Variants in XPO7 observed in about 807,000 individuals in gnomAD.
XPO7 encodes the protein exportin-7.
In XPO7, 21 loss-of-function variants were observed where a neutral mutation model predicts 144.3. That is an observed-to-expected ratio of 0.15 (90% CI 0.10 to 0.21). XPO7 has a LOEUF of 0.21. XPO7 is among the 10% of genes least tolerant of loss of function. The probability of loss-of-function intolerance (pLI) is 1.00; values close to 1 mark genes in which losing one functional copy is unlikely to be tolerated. For synonymous variants in XPO7, 580 were observed against 499.6 expected (o/e 1.16, Z -2.15); for missense variants, 808 against 1,325.8 (o/e 0.61, Z 6.06).
intron 21 of XPO7, among the ~76,000 whole-genome samples, chr8:21,997,861 G>A (rs1028433454): frequency 6.6e-6 from 1 of 152,010 alleles, no homozygotes; most frequent in African/African-American, 2.4e-5. Context: ...GAGGAAGGAG[G>A]AAGGACTCCT....
intron 1 of XPO7, among the ~76,000 whole-genome samples, chr8:21,947,583 T>G (rs1328447715): frequency 6.6e-6 from 1 of 152,108 alleles, no homozygotes; most frequent in African/African-American, 2.4e-5. Flanking sequence ...TTTTTACATC[T>G]TGGGTGAATG....
chr8:21,953,171 T>C (rs1297439427), intron 1 of XPO7, among the ~76,000 whole-genome samples: 1 of 152,140 alleles, frequency 6.6e-6, no homozygotes, highest in Non-Finnish European at 1.5e-5. Flanking sequence ...GTGACATGTA[T>C]CTACAATTAC....
In XPO7 at chr8:21,990,267, T is replaced by C. The variant is rs1812726362; in HGVS notation, c.1869-77T>C. 4 of 1,457,522 alleles carry C rather than the reference T, an allele frequency of 2.7e-6. No homozygotes were observed. The South Asian group carries it at 3.4e-5, about 13-fold the overall frequency. The allele number at this position is 1,457,522 out of a possible 1,614,324, so 90.3% of individuals were successfully genotyped here. On this transcript the variant is annotated intron_variant, in intron 16 of 27. Transcript: ENST00000252512. ...TAAGATATTTGGGTGAACTGTCCTTTATTCTGGAAAGTTTCCATCTGCCTT... is the reference window on the plus strand; with the variant it reads ...TAAGATATTTGGGTGAACTGTCCTTCATTCTGGAAAGTTTCCATCTGCCTT...
At chr8:21,945,226 G>T (rs951917633) in intron 1 of XPO7, among the ~76,000 whole-genome samples, 2 of 152,208 alleles carry the variant, frequency 1.3e-5, no homozygotes, top group Admixed American at 6.5e-5. Flanking sequence ...GTGGCGGCCG[G>T]GCGGGGGCTG....
At chr8:21,928,644 T>C (rs1469283406) in intron 1 of XPO7, among the ~76,000 whole-genome samples, 2 of 152,260 alleles carry the variant, frequency 1.3e-5, no homozygotes, top group Non-Finnish European at 2.9e-5. Flanking sequence ...TATCTCTTCA[T>C]GTGCTTACTG....
chr8:21,931,373 G>A (rs758120786), intron 1 of XPO7, among the ~76,000 whole-genome samples: 25 of 152,228 alleles, frequency 1.6e-4, no homozygotes, highest in Non-Finnish European at 2.4e-4. Context: ...ATGTTGGTCA[G>A]GCTGGTCTCG....
rs74912409 is a variant in XPO7, at chr8:21,968,271, A to G, written c.166-1212A>G. 1.6e-3 allele frequency among the ~76,000 whole-genome samples: 237 copies of G among 152,318 alleles called. 3 individuals carry two copies. Among genetic ancestry groups the G allele is most frequent in the Admixed American group, 0.012 (186 of 15,300 alleles). On this transcript the variant is annotated intron_variant, in intron 2 of 27. Transcript: ENST00000252512. ...ATGAAATGTGAAAAAATGAAAGTTA[A>G]TTGGTTGAGAGGATAGAATTCTAGT...
chr8:21,945,898 G>A (rs990869806), intron 1 of XPO7, among the ~76,000 whole-genome samples: 1 of 152,158 alleles, frequency 6.6e-6, no homozygotes, highest in South Asian at 2.1e-4. Context: ...AGTGTTGGGA[G>A]TAGTGAAGTC....
At chr8:21,990,318 C>G (rs1314384358) in intron 16 of XPO7, 26 bp from the exon 17 acceptor site, 2 of 1,612,196 alleles carry the variant, frequency 1.2e-6, no homozygotes, top group Non-Finnish European at 1.7e-6. Context: ...TTCACACTTT[C>G]CTTGACCTTC....
intron 11 of XPO7, among the ~76,000 whole-genome samples, chr8:21,983,172 A>C (rs1011343633): frequency 1.2e-4 from 19 of 152,222 alleles, no homozygotes; most frequent in African/African-American, 4.6e-4. Flanking sequence ...GCTTAATGTG[A>C]ACTCCTAAAG....
At chr8:21,947,785 G>C (rs1174148318) in intron 1 of XPO7, among the ~76,000 whole-genome samples, 1 of 152,206 alleles carries the variant, frequency 6.6e-6, no homozygotes, top group East Asian at 1.9e-4. Flanking sequence ...AATCTACAAA[G>C]TGGGAGGGAA....
rs1315199404 is a variant in XPO7 at position 21,937,628 on chromosome 8, A to G, written c.18+17840A>G. ...ATTTCTTTTTGGAGTTAGTTCATCA[A>G]TTATTAAAAGGTTCACTGAAATCAT... On this transcript the variant is annotated intron_variant, in intron 1 of 27. Transcript: ENST00000252512. 4.6e-5 allele frequency among the ~76,000 whole-genome samples: 7 copies of G among 152,338 alleles called. No homozygotes were observed. The East Asian group carries it at 1.2e-3, about 25-fold the overall frequency.
At chr8:21,920,068 C>T (rs995389086) in intron 1 of XPO7, among the ~76,000 whole-genome samples, 4 of 151,938 alleles carry the variant, frequency 2.6e-5, no homozygotes, top group Admixed American at 1.3e-4. Context: ...CAACGTTCGT[C>T]AGTCACTGTC....
intron 1 of XPO7, among the ~76,000 whole-genome samples, chr8:21,927,848 C>T (rs886639223): frequency 2.0e-5 from 3 of 152,100 alleles, no homozygotes; most frequent in East Asian, 1.9e-4. Context: ...CCTGGCTGAC[C>T]CAACTTCTTA....
At chr8:21,947,838 T>G (rs1203101880) in intron 1 of XPO7, among the ~76,000 whole-genome samples, 2 of 152,138 alleles carry the variant, frequency 1.3e-5, no homozygotes, top group Admixed American at 1.3e-4. Flanking sequence ...AGATTACAAG[T>G]CACTAAATAA....
At chr8:21,952,713 A>G (rs1037823686) in intron 1 of XPO7, among the ~76,000 whole-genome samples, 5 of 152,348 alleles carry the variant, frequency 3.3e-5, no homozygotes, top group East Asian at 1.9e-4. Flanking sequence ...GGCTTTGACA[A>G]TGAATGTCAG....
chr8:21,926,077 C>T (rs940109205), intron 1 of XPO7, among the ~76,000 whole-genome samples: 13 of 151,860 alleles, frequency 8.6e-5, no homozygotes, highest in Non-Finnish European at 1.8e-4. Flanking sequence ...ATGTTGATGC[C>T]GGTAGGCTGA....
chr8:21,931,593 G>A (rs1193344012), intron 1 of XPO7, among the ~76,000 whole-genome samples: 1 of 152,182 alleles, frequency 6.6e-6, no homozygotes, highest in Admixed American at 6.5e-5. Context: ...CAATGAAATA[G>A]GCATGCATTT....
chr8:21,932,570 C>T (rs1810686075), intron 1 of XPO7, among the ~76,000 whole-genome samples: 1 of 152,018 alleles, frequency 6.6e-6, no homozygotes, highest in Admixed American at 6.6e-5. Context: ...AAGAAGTACA[C>T]GTGGTGTTTT....
Sources: allele counts gnomAD v4.1 joint callset (sites outside exome capture counted in the v4.1 genomes callset), GRCh38; gene constraint gnomAD v4.1.1; transcripts MANE v1.5; gene names NCBI Gene and HGNC (gene_info 2026-07-23, HGNC 2026-07-21).